Variants in HIVEP3 observed in about 807,000 individuals in gnomAD.
The protein encoded by HIVEP3 is transcription factor HIVEP3.
A neutral mutation model predicts 152.8 loss-of-function variants in HIVEP3; 49 were observed. That is an observed-to-expected ratio of 0.32 (90% CI 0.26 to 0.41). The LOEUF is 0.41. Among genes scored for constraint, HIVEP3 ranks in the 10% least tolerant of loss-of-function variants. The pLI, the probability that HIVEP3 is intolerant of heterozygous loss-of-function variation, is 1.00. For missense variants in HIVEP3, 2,790 were observed against 3,103.3 expected (o/e 0.90, Z 2.40); for synonymous variants, 1,269 against 1,289.0 (o/e 0.98, Z 0.33).
intron 2 of HIVEP3, among the ~76,000 whole-genome samples, chr1:41,696,759 A>G: frequency 6.6e-6 from 1 of 152,236 alleles, no homozygotes; most frequent in East Asian, 1.9e-4. Flanking sequence ...TTAAAAAAAA[A>G]AATCTGCGTA....
At position 41,511,558 on chromosome 1, in the gene HIVEP3, G is replaced by A. The variant is rs1283175609; in HGVS notation, c.6406-292C>T. On this transcript the variant is annotated intron_variant, in intron 8 of 8. Coordinates refer to ENST00000372583, the MANE Select transcript of HIVEP3 (RefSeq NM_024503.5). This position sits in a 1 kb window ranked among gnomAD's most constrained non-coding sequence, Gnocchi z 4.9. ...TCTTCAAAGGAGGGGATACTTGAGC[G>A]ACGTGGGGCCCTGTTGTCACCCATG... is the stretch of plus-strand genomic sequence containing the variant. Among the ~76,000 whole-genome samples the A allele has an allele frequency of 2.6e-5, 4 of 152,176 alleles. No individual in the cohort carries two copies. Among genetic ancestry groups the A allele is most frequent in the Non-Finnish European group, 4.4e-5 (3 of 68,046 alleles).
intron 1 of HIVEP3, among the ~76,000 whole-genome samples, chr1:41,927,964 G>A (rs1006242715): frequency 6.7e-6 from 1 of 150,006 alleles, no homozygotes; most frequent in African/African-American, 2.4e-5. Context: ...GGGAGGCTGA[G>A]GCAGGAGAAT....
At chr1:41,838,137 A>T (rs1643180866) in intron 1 of HIVEP3, among the ~76,000 whole-genome samples, 1 of 152,172 alleles carries the variant, frequency 6.6e-6, no homozygotes, top group Non-Finnish European at 1.5e-5. Context: ...ACTTGTTGAG[A>T]TAATTGTAGA....
At chr1:41,872,705 A>G (rs538558276) in intron 1 of HIVEP3, among the ~76,000 whole-genome samples, 3 of 152,312 alleles carry the variant, frequency 2.0e-5, no homozygotes, top group South Asian at 4.1e-4. Context: ...TTGAAAATCC[A>G]TGCATGTTTT....
At chr1:41,821,057 C>G (rs1422251980) in intron 1 of HIVEP3, among the ~76,000 whole-genome samples, 1 of 152,178 alleles carries the variant, frequency 6.6e-6, no homozygotes, top group Non-Finnish European at 1.5e-5. Context: ...GGGCTCCAAG[C>G]TCCTGAGGGG....
At chr1:41,557,101 G>A (rs1298058512) in intron 5 of HIVEP3, among the ~76,000 whole-genome samples, 1 of 152,180 alleles carries the variant, frequency 6.6e-6, no homozygotes, top group Admixed American at 6.5e-5. Context: ...GATTGTTTTG[G>A]TGGTTCAAGG....
At chr1:41,749,576 T>C (rs1250090689) in intron 1 of HIVEP3, among the ~76,000 whole-genome samples, 2 of 152,188 alleles carry the variant, frequency 1.3e-5, no homozygotes, top group East Asian at 1.9e-4. Context: ...GGGTTTTCCC[T>C]GTGAAATGTC....
intron 1 of HIVEP3, among the ~76,000 whole-genome samples, chr1:41,945,768 A>G (rs1007910767): frequency 3.3e-5 from 5 of 152,198 alleles, no homozygotes; most frequent in African/African-American, 1.2e-4. Flanking sequence ...ACTATAATAC[A>G]TGGAAAGGAA....
intron 1 of HIVEP3, among the ~76,000 whole-genome samples, chr1:41,940,868 C>T (rs777478939): frequency 6.9e-6 from 1 of 143,998 alleles, no homozygotes; most frequent in Non-Finnish European, 1.5e-5. Flanking sequence ...GGAGGACAGG[C>T]GGAAAGGGAA....
intron 3 of HIVEP3, among the ~76,000 whole-genome samples, chr1:41,609,859 C>T (rs1006233228): frequency 2.4e-4 from 36 of 152,360 alleles, no homozygotes; most frequent in African/African-American, 7.9e-4. Context: ...TAGGCCAAGA[C>T]GCTTGGTCAA....
intron 6 of HIVEP3, 134 bp downstream of exon 6, chr1:41,524,601 G>T (rs1193180265): frequency 3.7e-6 from 3 of 820,198 alleles, no homozygotes; most frequent in Admixed American, 4.1e-5. Context: ...CACCAAGCTG[G>T]GTGGGAACCC....
intron 1 of HIVEP3, among the ~76,000 whole-genome samples, chr1:41,833,174 C>T (rs1643012658): frequency 6.6e-6 from 1 of 152,234 alleles, no homozygotes; most frequent in South Asian, 2.1e-4. Context: ...CCAGAATGTA[C>T]AGGTTCAACA....
In HIVEP3 at chr1:41,526,755, CCACACTCACCCT is replaced by C. The variant is rs1360285652; in HGVS notation, c.5208-1857_5208-1846del. Among the ~76,000 whole-genome samples, 604 of 115,360 alleles carry C rather than the reference CCACACTCACCCT, an allele frequency of 5.2e-3. 4 individuals carry two copies. Among genetic ancestry groups the C allele is most frequent in the Non-Finnish European group, 8.7e-3 (462 of 53,214 alleles). The allele number at this position is 115,360 out of a possible 152,430, so 75.7% of individuals were successfully genotyped here. A position where few individuals can be genotyped will look rare whatever the true frequency, so the allele number is the denominator to read the frequency against. ...CTCACCCTAAAACGTGCTCACATCCCCACACTCACCCTCACACTCACCCTAACACACACCCTC... is the reference window on the plus strand; with the variant it reads ...CTCACCCTAAAACGTGCTCACATCCCCACACTCACCCTAACACACACCCTC... On this transcript the variant is annotated intron_variant, in intron 5 of 8. Coordinates refer to ENST00000372583, the MANE Select transcript of HIVEP3 (RefSeq NM_024503.5).
chr1:41,701,949 G>A (rs1215289158), intron 1 of HIVEP3, among the ~76,000 whole-genome samples: 1 of 152,178 alleles, frequency 6.6e-6, no homozygotes, highest in Non-Finnish European at 1.5e-5. Context: ...CCTGGTTCAA[G>A]AAGGAGCTCC....
intron 2 of HIVEP3, among the ~76,000 whole-genome samples, chr1:41,674,527 G>C (rs1645924770): frequency 1.3e-5 from 2 of 152,200 alleles, no homozygotes; most frequent in South Asian, 4.1e-4. Flanking sequence ...GACAGAGAAG[G>C]TGAGAGACTC....
intron 3 of HIVEP3, among the ~76,000 whole-genome samples, chr1:41,625,212 A>C (rs1645101181): frequency 7.6e-6 from 1 of 132,060 alleles, no homozygotes; most frequent in Non-Finnish European, 1.6e-5. Flanking sequence ...AATACTTTGC[A>C]GTCAAGCCAA....
chr1:41,595,826 C>A (rs1644657887), intron 3 of HIVEP3, among the ~76,000 whole-genome samples: 1 of 152,154 alleles, frequency 6.6e-6, no homozygotes. Context: ...ATGCTTCCTG[C>A]CCTCAAACAT....
chr1:41,745,717 G>T (rs1305645206), intron 1 of HIVEP3, among the ~76,000 whole-genome samples: 1 of 152,236 alleles, frequency 6.6e-6, no homozygotes, highest in East Asian at 1.9e-4. Context: ...AGGGCAGGAT[G>T]ACGTGGATGA....
At chr1:41,541,903 A>G (rs2149069567) in intron 5 of HIVEP3, among the ~76,000 whole-genome samples, 1 of 152,298 alleles carries the variant, frequency 6.6e-6, no homozygotes. Context: ...TGTTTTTTGT[A>G]TGTATGATCT....
Sources: gnomAD v4.1 joint callset for allele counts (sites outside exome capture counted in the v4.1 genomes callset) on GRCh38, gnomAD v4.1.1 for gene constraint, Gnocchi (gnomAD v3.1) non-coding constraint, MANE v1.5 for transcripts, NCBI Gene and HGNC (gene_info 2026-07-23, HGNC 2026-07-21) for gene names.